Variants in AGFG2 observed in about 807,000 individuals in gnomAD.
AGFG2 encodes the protein arf-GAP domain and FG repeat-containing protein 2.
A neutral mutation model predicts 48.0 loss-of-function variants in AGFG2; 31 were observed. That is an observed-to-expected ratio of 0.65 (90% confidence interval 0.49 to 0.87). The LOEUF is 0.87. AGFG2 is among the 40% of genes least tolerant of loss of function. The probability of loss-of-function intolerance (pLI) is 0.00; values close to 1 mark genes in which losing one functional copy is unlikely to be tolerated. For synonymous variants in AGFG2, 229 were observed against 260.8 expected (o/e 0.88, Z 1.18); for missense variants, 599 against 632.6 (o/e 0.95, Z 0.57).
chr7:100,558,545 G>GTT (rs36124305), intron 6 of AGFG2, among the ~76,000 whole-genome samples: 9 of 135,468 alleles, frequency 6.6e-5, no homozygotes, highest in Non-Finnish European at 3.2e-5. Context: ...TTTTGTTTTT[G>GTT]TTTTTTTTTT....
At chr7:100,555,435 A>C (rs959449698) in intron 5 of AGFG2, among the ~76,000 whole-genome samples, 175 bp from the exon 6 acceptor site, 2 of 151,438 alleles carry the variant, frequency 1.3e-5, no homozygotes, top group Non-Finnish European at 2.9e-5. Flanking sequence ...CACCACGCCC[A>C]GCTAATTTTT....
At chr7:100,547,732 A>C (rs1450525459) in intron 1 of AGFG2, among the ~76,000 whole-genome samples, 1 of 152,190 alleles carries the variant, frequency 6.6e-6, no homozygotes, top group East Asian at 1.9e-4. Flanking sequence ...CATACAGAGG[A>C]GGCACAAAAG....
At chr7:100,563,594 G>T (rs1245455645) in intron 9 of AGFG2, among the ~76,000 whole-genome samples, 1 of 152,202 alleles carries the variant, frequency 6.6e-6, no homozygotes, top group Non-Finnish European at 1.5e-5. Flanking sequence ...GGCTAGCCCA[G>T]TCCTGCACCG....
chr7:100,540,244 AG>A (rs1800397480), intron 1 of AGFG2, among the ~76,000 whole-genome samples: 1 of 152,332 alleles, frequency 6.6e-6, no homozygotes, highest in Non-Finnish European at 1.5e-5. Flanking sequence ...GTTACCCAGA[AG>A]GTAAAACTCT....
At chr7:100,549,733 C>T (rs150003965) in intron 2 of AGFG2, among the ~76,000 whole-genome samples, 4 of 152,178 alleles carry the variant, frequency 2.6e-5, no homozygotes, top group Admixed American at 6.5e-5. Flanking sequence ...TGCTCTGTCA[C>T]CCAGGCTGGA....
At chr7:100,550,210 G>A (rs1021989679) in intron 2 of AGFG2, among the ~76,000 whole-genome samples, 186 bp from the exon 3 acceptor site, 1 of 151,430 alleles carries the variant, frequency 6.6e-6, no homozygotes, top group Non-Finnish European at 1.5e-5. Flanking sequence ...GGGAGACTGA[G>A]GCAGGAGAAT....
intron 5 of AGFG2, 45 bp downstream of exon 5, chr7:100,554,303 TACA>T (rs774696544): frequency 1.3e-6 from 2 of 1,565,540 alleles, no homozygotes; most frequent in Non-Finnish European, 1.7e-6. Context: ...CGTATATGCT[TACA>T]ACATGAGAGA....
At chr7:100,548,698 G>T (rs913477570) in intron 1 of AGFG2, 124 bp from the exon 2 acceptor site, 4 of 658,432 alleles carry the variant, frequency 6.1e-6, no homozygotes, top group African/African-American at 1.8e-5. Context: ...AGATGGGGGG[G>T]TTCTATCTGA....
intron 1 of AGFG2, among the ~76,000 whole-genome samples, chr7:100,546,207 G>C (rs1258335555): frequency 1.9e-5 from 2 of 107,054 alleles, no homozygotes; most frequent in Non-Finnish European, 3.4e-5. Context: ...TTTTAGTCCA[G>C]GCTCAACCAT....
chr7:100,562,600 C>A lies in AGFG2; in HGVS notation c.1005C>A (p.Phe335Leu), dbSNP rs201822895. Reference protein sequence around the residue: ...VPAAGVPSSLFGMAGQVPPLQ... With the variant: ...VPAAGVPSSLLGMAGQVPPLQ... ...CTCTCTCCCCGTGTTGTAGCCTCTT[C>A]GGGATGGCTGGCCAGGTCCCCCCGC... The change falls in exon 8 of 12, where the codon TTC (phenylalanine) becomes TTA (leucine). Residue 335 changes from phenylalanine to leucine, a missense_variant. Phe to Leu is a conservative substitution (Grantham distance 22). Transcript: ENST00000300176. The surrounding 1 kb of genome is among the most constrained non-coding windows in gnomAD (Gnocchi z 5.4). 6 of 1,613,246 alleles carry A rather than the reference C, an allele frequency of 3.7e-6. No individual in the cohort carries two copies. In the Admixed American group the frequency reaches 8.3e-5, roughly 22 times the overall value.
intron 1 of AGFG2, among the ~76,000 whole-genome samples, chr7:100,546,940 A>G (rs2131104425): frequency 6.6e-6 from 1 of 152,300 alleles, no homozygotes; most frequent in Admixed American, 6.5e-5. Flanking sequence ...CCCTGAGCTT[A>G]TCTTTCCTTG....
chr7:100,539,210 G>T lies in AGFG2; in HGVS notation c.-137G>T, dbSNP rs767381590. The T allele has an allele frequency of 3.0e-4, 250 of 843,836 alleles. 2 individuals carry two copies. Among genetic ancestry groups the T allele is most frequent in the Non-Finnish European group, 3.9e-4 (243 of 623,308 alleles). 52.3% of individuals were successfully genotyped at this position (843,836 alleles called of 1,614,324 possible). A position where few individuals can be genotyped will look rare whatever the true frequency, so the allele number is the denominator to read the frequency against. Reference sequence around the variant, plus strand: ...AGGACGGGCAAGGAGGGTGGTGGACGGCGAAGTCTCCTGCGGATGCCGCCC... The same window carrying T: ...AGGACGGGCAAGGAGGGTGGTGGACTGCGAAGTCTCCTGCGGATGCCGCCC... On this transcript the variant is annotated 5_prime_UTR_variant, in exon 1 of 12. Transcript: ENST00000300176.
At chr7:100,548,947 T>A (rs746011795) in intron 2 of AGFG2, 32 bp downstream of exon 2, 2 of 1,565,892 alleles carry the variant, frequency 1.3e-6, no homozygotes, top group South Asian at 2.2e-5. Context: ...GGTGAGAAGG[T>A]CACCTATCTG....
rs1800607714 is a variant in AGFG2 at position 100,550,464 on chromosome 7, T to C, written c.384T>C (p.Pro128=). ...CTTTAGTACCAGATTCCAGGGATCC[T>C]CAGAAAGTGAAGGAGTTTCTCCAGG... ...RTSLVPDSRD[P]QKVKEFLQEK... Residue 128 remains proline, a synonymous_variant, in exon 3 of 12, where the codon CCT becomes CCC. Transcript: ENST00000300176. 1 of 1,614,014 alleles carries C rather than the reference T, an allele frequency of 6.2e-7. No individual in the cohort carries two copies. Among genetic ancestry groups the C allele is most frequent in the South Asian group, 1.1e-5 (1 of 91,084 alleles).
chr7:100,565,252 G>C lies in AGFG2; in HGVS notation c.*261G>C. ...CTGACCTGGAGGAGTGATGGTTGAG[G>C]GGGAGGGATTTTTTTCAAATGATCA... On this transcript the variant is annotated 3_prime_UTR_variant, in exon 12 of 12. Coordinates refer to ENST00000300176, the MANE Select transcript of AGFG2 (RefSeq NM_006076.5). The C allele has an allele frequency of 1.8e-6, 1 of 562,840 alleles. No homozygotes were observed. The highest frequency in any genetic ancestry group is 2.1e-5 in the South Asian group (1 of 48,660). 34.9% of individuals were successfully genotyped at this position (562,840 alleles called of 1,614,324 possible). A position where few individuals can be genotyped will look rare whatever the true frequency, so the allele number is the denominator to read the frequency against.
In AGFG2 at chr7:100,544,810, G is replaced by A. The variant is rs575403917; in HGVS notation, c.222-4012G>A. 1.8e-3 allele frequency among the ~76,000 whole-genome samples: 269 copies of A among 152,248 alleles called. 2 individuals carry two copies. Among genetic ancestry groups the A allele is most frequent in the African/African-American group, 6.2e-3 (256 of 41,542 alleles). On this transcript the variant is annotated intron_variant, in intron 1 of 11. Transcript: ENST00000300176. The stretch of plus-strand genomic sequence containing the variant: ...AAAAAAGATTGAGGTTGAGCCTAAA[G>A]GGAAGGGCGGCTGGATGCTATCAGG...
chr7:100,555,710 G>C lies in AGFG2; in HGVS notation c.852G>C (p.Ser284=). 2 of 1,614,066 alleles carry C rather than the reference G, an allele frequency of 1.2e-6. No homozygotes were observed. Among genetic ancestry groups the C allele is most frequent in the East Asian group, 4.5e-5 (2 of 44,878 alleles). ...GCCTCCCTCCAGCTGGTCAAGCCTC[G>C]TTCCAGGCCCAGCCAACTCCTGCAG... ...FGSLPPAGQA[S]FQAQPTPAGS... The change falls in exon 6 of 12, where the codon TCG becomes TCC. Residue 284 remains serine, a synonymous_variant. Transcript: ENST00000300176.
intron 9 of AGFG2, among the ~76,000 whole-genome samples, chr7:100,563,382 T>C (rs1800923565): frequency 1.3e-5 from 2 of 152,196 alleles, no homozygotes; most frequent in Admixed American, 6.5e-5. Context: ...CTCAGACTCA[T>C]GCTGGCTGAA....
At chr7:100,545,850 G>A (rs1293894551) in intron 1 of AGFG2, among the ~76,000 whole-genome samples, 4 of 152,134 alleles carry the variant, frequency 2.6e-5, no homozygotes, top group Non-Finnish European at 5.9e-5. Flanking sequence ...CAGGAGGAAG[G>A]GGGCTCTCGT....
Sources: gnomAD v4.1 joint callset for allele counts (sites outside exome capture counted in the v4.1 genomes callset) on GRCh38, gnomAD v4.1.1 for gene constraint, Gnocchi (gnomAD v3.1) non-coding constraint, MANE v1.5 for transcripts, NCBI Gene and HGNC (gene_info 2026-07-23, HGNC 2026-07-21) for gene names.